ZNF536: variants seen among roughly 807,000 people sequenced by gnomAD.
ZNF536 encodes zinc finger protein 536.
ZNF536 carries 13 observed loss-of-function variants against 84.5 expected under a neutral mutation model. The ratio of observed to expected loss-of-function variants is 0.15; its 90% confidence interval spans 0.10 to 0.24. The LOEUF (loss-of-function observed/expected upper bound fraction) is 0.24. Ranked by LOEUF, ZNF536 falls within the 10% of genes least tolerant of loss-of-function variation. The pLI, the probability that ZNF536 is intolerant of heterozygous loss-of-function variation, is 1.00. For synonymous variants in ZNF536, 811 were observed against 742.5 expected (o/e 1.09, Z -1.50); for missense variants, 1,536 against 1,747.5 (o/e 0.88, Z 2.16).
chr19:30,238,672 ATCTG>A (rs947104591), intron 1 of ZNF536, among the ~76,000 whole-genome samples: 88 of 151,326 alleles, frequency 5.8e-4, no homozygotes, highest in African/African-American at 1.6e-3. Context: ...CTCTCTATCT[ATCTG>A]TCTGTCTGTC....
intron 4 of ZNF536, among the ~76,000 whole-genome samples, chr19:30,550,551 G>C (rs1333195762): frequency 6.6e-6 from 1 of 150,988 alleles, no homozygotes; most frequent in Non-Finnish European, 1.5e-5. Context: ...ACCTGTGGAA[G>C]GAAGGCAGGA....
At chr19:30,693,729 A>G (rs143642903) in intron 1 of ZNF536, among the ~76,000 whole-genome samples, 2 of 152,204 alleles carry the variant, frequency 1.3e-5, no homozygotes, top group East Asian at 3.9e-4. Context: ...GTAATTTTCT[A>G]TTGTTCACAG....
intron 1 of ZNF536, among the ~76,000 whole-genome samples, chr19:30,276,960 G>A (rs1027103314): frequency 2.0e-5 from 3 of 152,094 alleles, no homozygotes; most frequent in African/African-American, 7.2e-5. Flanking sequence ...AGGTTACAAT[G>A]TTCCCACAGA....
chr19:30,574,552 A>G (rs1478620926), intron 1 of ZNF536, among the ~76,000 whole-genome samples: 1 of 152,264 alleles, frequency 6.6e-6, no homozygotes, highest in Non-Finnish European at 1.5e-5. Context: ...TTGGGCTTGA[A>G]TAGCAAGGGC....
chr19:30,534,079 T>C (rs2044971294), intron 2 of ZNF536, among the ~76,000 whole-genome samples: 1 of 152,254 alleles, frequency 6.6e-6, no homozygotes, highest in Non-Finnish European at 1.5e-5. Flanking sequence ...TGGTTTGGGT[T>C]ACATAACAAA....
At chr19:30,268,056 T>TCTCTCCCCCTGCCTCCCTCCCTTC (rs2025614393) in intron 1 of ZNF536, among the ~76,000 whole-genome samples, 1 of 130,664 alleles carries the variant, frequency 7.7e-6, no homozygotes. Flanking sequence ...TCCCTCCCTT[T>TCTCTCCCCCTGCCTCCCTCCCTTC]CTCTCCCCCT....
chr19:30,336,428 C>T (rs974474675), intron 2 of ZNF536, among the ~76,000 whole-genome samples: 22 of 152,182 alleles, frequency 1.4e-4, no homozygotes, highest in African/African-American at 3.6e-4. Context: ...GGAAGGACAG[C>T]GCAGGGCAGC....
chr19:30,229,309 T>C (rs898603107), intron 1 of ZNF536, among the ~76,000 whole-genome samples: 1 of 152,120 alleles, frequency 6.6e-6, no homozygotes, highest in East Asian at 1.9e-4. Flanking sequence ...ACAATTCTGT[T>C]GGAAATGCCA....
intron 2 of ZNF536, among the ~76,000 whole-genome samples, chr19:30,478,075 C>T (rs371021528): frequency 2.0e-5 from 3 of 151,768 alleles, no homozygotes; most frequent in African/African-American, 7.3e-5. Flanking sequence ...TGAAGGAGCT[C>T]GGGAACAGAG....
At chr19:30,506,834 G>A (rs1243812689) in intron 2 of ZNF536, among the ~76,000 whole-genome samples, 8 of 152,186 alleles carry the variant, frequency 5.3e-5, no homozygotes, top group African/African-American at 2.4e-5. Context: ...GATCATTGCA[G>A]AAGGGTATAA....
chr19:30,635,067 G>GGTGTGTGTGT (rs10693532), intron 1 of ZNF536, among the ~76,000 whole-genome samples: 4 of 150,278 alleles, frequency 2.7e-5, no homozygotes, highest in African/African-American at 9.8e-5. Flanking sequence ...AAGAAAGCTG[G>GGTGTGTGTGT]GTGTGTGTGT....
chr19:30,595,493 G>A (rs998158860), intron 1 of ZNF536, among the ~76,000 whole-genome samples: 2 of 151,922 alleles, frequency 1.3e-5, no homozygotes, highest in African/African-American at 2.4e-5. Flanking sequence ...TCTCTATGTT[G>A]CCCAGGCTGG....
chr19:30,659,462 A>C (rs1405872086), intron 1 of ZNF536, among the ~76,000 whole-genome samples: 1 of 151,872 alleles, frequency 6.6e-6, no homozygotes, highest in Admixed American at 6.6e-5. Context: ...TGGGGATTAC[A>C]ATTTGTATTA....
chr19:30,361,061 G>T (rs1430432514), intron 3 of ZNF536, among the ~76,000 whole-genome samples: 1 of 152,116 alleles, frequency 6.6e-6, no homozygotes, highest in Non-Finnish European at 1.5e-5. Flanking sequence ...CAACTTGCCG[G>T]CTTTTCCCTC....
chr19:30,427,107 T>C (rs2051248915), intron 1 of ZNF536, among the ~76,000 whole-genome samples: 1 of 152,200 alleles, frequency 6.6e-6, no homozygotes, highest in Non-Finnish European at 1.5e-5. Context: ...AGGTGAGTTA[T>C]CCCCTACCAT....
At chr19:30,356,815 G>A (rs937420779) in intron 3 of ZNF536, among the ~76,000 whole-genome samples, 1 of 152,232 alleles carries the variant, frequency 6.6e-6, no homozygotes, top group East Asian at 1.9e-4. Flanking sequence ...TAGATAGTAT[G>A]ATTCATTCCA....
At chr19:30,307,862 A>G (rs990825294) in intron 2 of ZNF536, among the ~76,000 whole-genome samples, 1 of 152,334 alleles carries the variant, frequency 6.6e-6, no homozygotes, top group Admixed American at 6.5e-5. Context: ...CCCAGAAAGC[A>G]GCGTAACTTG....
chr19:30,267,065 T>A lies in ZNF536; in HGVS notation c.-189-17007T>A, dbSNP rs139590767. Among the ~76,000 whole-genome samples, 380 of 152,308 alleles carry A rather than the reference T, an allele frequency of 2.5e-3. 1 individual carries two copies. Among genetic ancestry groups the A allele is most frequent in the South Asian group, 0.014 (68 of 4,826 alleles). Reference sequence around the variant, plus strand: ...CAGATGGCAGAGTGGAAGAAATGGATCACTAATTTTAACAATGATTAATGA... The same window carrying A: ...CAGATGGCAGAGTGGAAGAAATGGAACACTAATTTTAACAATGATTAATGA... On this transcript the variant is annotated intron_variant, in intron 1 of 5. Coordinates refer to the ZNF536 transcript ENST00000585628.
chr19:30,250,466 T>G (rs991134775), intron 1 of ZNF536, among the ~76,000 whole-genome samples: 1 of 152,174 alleles, frequency 6.6e-6, no homozygotes, highest in Non-Finnish European at 1.5e-5. Flanking sequence ...GGGGCAGGTC[T>G]CTCTGGCATC....
Sources: allele counts gnomAD v4.1 joint callset (sites outside exome capture counted in the v4.1 genomes callset), GRCh38; gene constraint gnomAD v4.1.1; transcripts MANE v1.5; gene names NCBI Gene and HGNC (gene_info 2026-07-23, HGNC 2026-07-21).